GNA12: variants seen among roughly 807,000 people sequenced by gnomAD.
The protein encoded by GNA12 is guanine nucleotide-binding protein subunit alpha-12.
In GNA12, 9 loss-of-function variants were observed where a neutral mutation model predicts 26.0. The observed-to-expected ratio is 0.35, with a 90% CI of 0.21 to 0.60. The LOEUF (loss-of-function observed/expected upper bound fraction) is 0.60, where lower values mean the gene tolerates loss of function less well. Ranked by LOEUF, GNA12 falls within the 20% of genes least tolerant of loss-of-function variation. The pLI is 0.78. For missense variants in GNA12, 405 were observed against 525.8 expected (o/e 0.77, Z 2.25); for synonymous variants, 264 against 219.6 (o/e 1.20, Z -1.79).
At chr7:2,813,804 T>C (rs1793143676) in intron 1 of GNA12, among the ~76,000 whole-genome samples, 1 of 152,150 alleles carries the variant, frequency 6.6e-6, no homozygotes, top group Non-Finnish European at 1.5e-5. Context: ...GTGATGTTAA[T>C]TTCACTGAAC....
intron 1 of GNA12, among the ~76,000 whole-genome samples, chr7:2,807,694 G>A (rs1053751370): frequency 1.2e-4 from 18 of 151,956 alleles, no homozygotes; most frequent in Non-Finnish European, 2.4e-4. Context: ...AGACCAAATG[G>A]AAAAAAGCTG....
intron 2 of GNA12, among the ~76,000 whole-genome samples, chr7:2,774,338 T>C (rs974845220): frequency 1.3e-5 from 2 of 152,162 alleles, no homozygotes; most frequent in African/African-American, 4.8e-5. Flanking sequence ...GGAAAGGTAA[T>C]AGGTAGTGGT....
At chr7:2,793,881 CAAAAA>C (rs71026557) in intron 2 of GNA12, among the ~76,000 whole-genome samples, 3 of 95,796 alleles carry the variant, frequency 3.1e-5, no homozygotes, top group Admixed American at 2.2e-4. Flanking sequence ...GACTCCATCT[CAAAAA>C]AAAAAAAAAA....
intron 2 of GNA12, chr7:2,762,641 C>T (rs752365171): frequency 3.1e-6 from 5 of 1,594,804 alleles, no homozygotes; most frequent in Admixed American, 1.7e-5. Context: ...CCATGAAGCA[C>T]AGAGCGGCAG....
intron 2 of GNA12, among the ~76,000 whole-genome samples, chr7:2,756,282 A>T (rs887098409): frequency 6.6e-6 from 1 of 152,196 alleles, no homozygotes; most frequent in Non-Finnish European, 1.5e-5. Flanking sequence ...GAGGATCAGA[A>T]AATCAAAAAA....
chr7:2,804,520 T>C (rs914607748), intron 1 of GNA12, among the ~76,000 whole-genome samples: 4 of 152,190 alleles, frequency 2.6e-5, no homozygotes, highest in South Asian at 4.1e-4. Flanking sequence ...TCAAAGCCAA[T>C]AGGACTGGGC....
chr7:2,801,136 T>A (rs1792799537), intron 1 of GNA12, among the ~76,000 whole-genome samples: 2 of 151,964 alleles, frequency 1.3e-5, no homozygotes, highest in South Asian at 4.2e-4. Flanking sequence ...TGGATGGGGT[T>A]TCAGCCTCCA....
intron 1 of GNA12, among the ~76,000 whole-genome samples, chr7:2,816,241 T>C (rs1457978092): frequency 1.7e-5 from 1 of 57,396 alleles, no homozygotes; most frequent in Non-Finnish European, 4.3e-5. Flanking sequence ...CACCAAATCC[T>C]TTTTTTTTGA....
intron 1 of GNA12, among the ~76,000 whole-genome samples, chr7:2,807,883 C>T (rs574803488): frequency 2.6e-5 from 4 of 152,286 alleles, no homozygotes; most frequent in South Asian, 2.1e-4. Context: ...CACACACGAC[C>T]GAAGAGCAGC....
At chr7:2,808,805 T>C (rs1793011077) in intron 1 of GNA12, among the ~76,000 whole-genome samples, 1 of 152,220 alleles carries the variant, frequency 6.6e-6, no homozygotes, top group South Asian at 2.1e-4. Context: ...CAAGTTAGCC[T>C]GCTAAGCCTA....
At chr7:2,756,291 A>G (rs545862081) in intron 2 of GNA12, among the ~76,000 whole-genome samples, 20 of 152,320 alleles carry the variant, frequency 1.3e-4, no homozygotes, top group Middle Eastern at 3.4e-3. Context: ...AAAATCAAAA[A>G]AGGACATTGA....
intron 2 of GNA12, among the ~76,000 whole-genome samples, chr7:2,792,883 C>T (rs1792555710): frequency 6.6e-6 from 1 of 152,180 alleles, no homozygotes; most frequent in Non-Finnish European, 1.5e-5. Context: ...TTTGCAGGGT[C>T]TCAATGTATC....
chr7:2,734,498 C>T (rs1349909154), intron 2 of GNA12, among the ~76,000 whole-genome samples: 2 of 152,160 alleles, frequency 1.3e-5, no homozygotes, highest in Non-Finnish European at 2.9e-5. Context: ...CGAGCTGACG[C>T]AGGAGAATTT....
At chr7:2,781,259 C>T (rs1792219985) in intron 2 of GNA12, among the ~76,000 whole-genome samples, 1 of 152,066 alleles carries the variant, frequency 6.6e-6, no homozygotes, top group South Asian at 2.1e-4. Flanking sequence ...TGGATTTGTA[C>T]TTTTAGTTCT....
intron 2 of GNA12, chr7:2,763,155 C>T (rs1290005321): frequency 3.8e-5 from 45 of 1,184,868 alleles, no homozygotes; most frequent in Non-Finnish European, 4.7e-5. Context: ...GAATATTCTG[C>T]TGACAAGAGG....
intron 2 of GNA12, among the ~76,000 whole-genome samples, chr7:2,788,580 G>A (rs903957623): frequency 4.6e-5 from 7 of 152,172 alleles, no homozygotes; most frequent in Admixed American, 2.0e-4. Flanking sequence ...ACTTATTCAG[G>A]CAATTCTGTA....
intron 1 of GNA12, among the ~76,000 whole-genome samples, chr7:2,821,568 G>GC (rs1279642731): frequency 1.3e-5 from 2 of 152,172 alleles, no homozygotes; most frequent in Non-Finnish European, 2.9e-5. Flanking sequence ...TCACTGGGTG[G>GC]CCCCAAGCAA....
chr7:2,746,649 G>A (rs1287039631), intron 2 of GNA12, among the ~76,000 whole-genome samples: 1 of 152,028 alleles, frequency 6.6e-6, no homozygotes, highest in Non-Finnish European at 1.5e-5. Flanking sequence ...GCCAGCAGAA[G>A]GCAAGAAATA....
chr7:2,753,459 G>C (rs1323449693), intron 2 of GNA12, among the ~76,000 whole-genome samples: 1 of 152,176 alleles, frequency 6.6e-6, no homozygotes, highest in Non-Finnish European at 1.5e-5. Flanking sequence ...TTGGAAGTTG[G>C]CTTTTTTCAC....
Sources: allele counts gnomAD v4.1 joint callset (sites outside exome capture counted in the v4.1 genomes callset), GRCh38; gene constraint gnomAD v4.1.1; transcripts MANE v1.5; gene names NCBI Gene and HGNC (gene_info 2026-07-23, HGNC 2026-07-21).